SFMBT2: variants seen among roughly 807,000 people sequenced by gnomAD.
SFMBT2 encodes Scm like with four mbt domains 2.
SFMBT2 carries 38 observed loss-of-function variants against 110.1 expected under a neutral mutation model. The observed-to-expected ratio is 0.35, with a 90% confidence interval of 0.27 to 0.45. SFMBT2 has a LOEUF of 0.45. Ranked by LOEUF, SFMBT2 falls within the 20% of genes least tolerant of loss-of-function variation. SFMBT2 has a pLI of 1.00. For synonymous variants in SFMBT2, 425 were observed against 425.4 expected (o/e 1.00, Z 0.01); for missense variants, 1,011 against 1,094.9 (o/e 0.92, Z 1.08).
At chr10:7,203,439 TG>T in intron 12 of SFMBT2, 2 of 239,868 alleles carry the variant, frequency 8.3e-6, no homozygotes, top group Non-Finnish European at 6.7e-6. Context: ...CCTGACCCCC[TG>T]GGAAAGAGCC....
intron 9 of SFMBT2, among the ~76,000 whole-genome samples, chr10:7,236,317 C>A (rs978883531): frequency 6.6e-6 from 1 of 152,000 alleles, no homozygotes; most frequent in Non-Finnish European, 1.5e-5. Flanking sequence ...AATTAATGTA[C>A]AAGAATGGCC....
In SFMBT2 at chr10:7,370,313, C is replaced by T. The variant is rs745677310; in HGVS notation, c.163G>A (p.Ala55Thr). The T allele has an allele frequency of 3.1e-6, 5 of 1,614,040 alleles. No individual in the cohort carries two copies. The Admixed American group carries it at 6.7e-5, about 22-fold the overall frequency. ...NWGEYLEETGASAAPHTSFKH... is the reference protein window; with the variant it reads ...NWGEYLEETGTSAAPHTSFKH... The stretch of plus-strand genomic sequence containing the variant: ...AATGATGTGTGGGGAGCAGCACTTG[C>T]TCCTGTCTCTTCCAAATATTCTCCC... Residue 55 changes from alanine to threonine, a missense_variant, in exon 3 of 21, where the codon GCA becomes ACA. Transcript: ENST00000397167.
intron 9 of SFMBT2, among the ~76,000 whole-genome samples, chr10:7,231,435 T>C (rs1318474650): frequency 6.6e-6 from 1 of 152,188 alleles, no homozygotes; most frequent in African/African-American, 2.4e-5. Flanking sequence ...TTATGGTCCA[T>C]ACATGTTCAG....
At chr10:7,185,659 A>G (rs897408148) in intron 16 of SFMBT2, among the ~76,000 whole-genome samples, 2 of 152,254 alleles carry the variant, frequency 1.3e-5, no homozygotes, top group Non-Finnish European at 2.9e-5. Context: ...CTGAATAACT[A>G]TAACACAGGA....
chr10:7,266,742 A>G (rs971993612), intron 7 of SFMBT2, among the ~76,000 whole-genome samples: 1 of 152,196 alleles, frequency 6.6e-6, no homozygotes, highest in Non-Finnish European at 1.5e-5. Context: ...GGGACAGTCC[A>G]TGGGACAGAG....
rs1009970203 is a variant in SFMBT2 at position 7,249,469 on chromosome 10, T to G, written c.871-820A>C. 9.3e-6 allele frequency: 9 copies of G among 964,368 alleles called. No homozygotes were observed. The South Asian group carries it at 2.9e-4, about 31-fold the overall frequency. The allele number at this position is 964,368 out of a possible 1,614,324, so 59.7% of individuals were successfully genotyped here. ...AACTCACAGTCTGGATAAACAGCAG[T>G]GGATAAATGAATGTATTTGCAGTCT... On this transcript the variant is annotated intron_variant, in intron 7 of 20. Transcript: ENST00000397167.
At chr10:7,354,975 T>G (rs974237059) in intron 4 of SFMBT2, among the ~76,000 whole-genome samples, 1 of 152,266 alleles carries the variant, frequency 6.6e-6, no homozygotes, top group Non-Finnish European at 1.5e-5. Flanking sequence ...TATCTTTATC[T>G]ATTTGGCCTT....
In SFMBT2 at chr10:7,189,495, C is replaced by A. The variant is rs553049179; in HGVS notation, c.1699-762G>T. ...ATGAAAGGGACAAGGACCTCAGACC[C>A]CTAAGGTGCTCACCTTTCAAAAAGC... is the stretch of plus-strand genomic sequence containing the variant. On this transcript the variant is annotated intron_variant, in intron 15 of 20. Coordinates refer to ENST00000397167, the MANE Select transcript of SFMBT2 (RefSeq NM_001387889.1). Among the ~76,000 whole-genome samples, 4 of 152,314 alleles carry A rather than the reference C, an allele frequency of 2.6e-5. No homozygotes were observed. In the South Asian group the frequency reaches 6.2e-4, roughly 24 times the overall value.
At chr10:7,381,684 G>T in intron 2 of SFMBT2, 115 bp downstream of exon 2, 1 of 1,150,342 alleles carries the variant, frequency 8.7e-7, no homozygotes. Flanking sequence ...CAAATCCCAG[G>T]AACCAGACAG....
chr10:7,229,972 ATCCCAAAGTGC>A (rs1001304224), intron 9 of SFMBT2, among the ~76,000 whole-genome samples: 7 of 151,498 alleles, frequency 4.6e-5, no homozygotes, highest in African/African-American at 1.2e-4. Flanking sequence ...CCACCTCAGC[ATCCCAAAGTGC>A]TGGGATTACA....
chr10:7,349,098 C>G (rs1201972527), intron 4 of SFMBT2, among the ~76,000 whole-genome samples: 1 of 152,194 alleles, frequency 6.6e-6, no homozygotes, highest in Non-Finnish European at 1.5e-5. Context: ...GACAAACCTC[C>G]CTATCCATTT....
intron 4 of SFMBT2, among the ~76,000 whole-genome samples, chr10:7,298,128 G>A (rs1368908050): frequency 6.6e-6 from 1 of 152,228 alleles, no homozygotes; most frequent in Non-Finnish European, 1.5e-5. Context: ...TTTTGGATCA[G>A]AAAATAATTG....
Position 7,203,226 on chromosome 10 carries a change from T to C in SFMBT2, c.1445-704A>G, listed in dbSNP as rs1034634479. ...AGTCTGGCAGGTTTGGAGTTGGAGT[T>C]TGCCTCTTTAAAGCAAAATGTATGT... On this transcript the variant is annotated intron_variant, in intron 12 of 20. Transcript: ENST00000397167. 46 of 617,406 alleles carry C rather than the reference T, an allele frequency of 7.5e-5. No homozygotes were observed. The African/African-American group carries it at 8.8e-4, about 12-fold the overall frequency. The allele number at this position is 617,406 out of a possible 1,614,324, so 38.2% of individuals were successfully genotyped here. A position where few individuals can be genotyped will look rare whatever the true frequency, so the allele number is the denominator to read the frequency against.
At chr10:7,194,919 A>G (rs762224281) in intron 15 of SFMBT2, among the ~76,000 whole-genome samples, 3 of 152,246 alleles carry the variant, frequency 2.0e-5, no homozygotes, top group Non-Finnish European at 4.4e-5. Context: ...CCCTCAAGAC[A>G]GGCTGAAGCC....
chr10:7,281,933 C>T (rs1841958693), intron 6 of SFMBT2, among the ~76,000 whole-genome samples: 1 of 152,214 alleles, frequency 6.6e-6, no homozygotes, highest in Non-Finnish European at 1.5e-5. Flanking sequence ...GCAGCCTCCT[C>T]TCCTGTGATC....
chr10:7,276,801 C>T, intron 7 of SFMBT2, 91 bp downstream of exon 7: 1 of 739,716 alleles, frequency 1.4e-6, no homozygotes, highest in South Asian at 1.5e-5. Flanking sequence ...GCTGGGATTA[C>T]AGGCATGAGC....
intron 7 of SFMBT2, among the ~76,000 whole-genome samples, chr10:7,269,234 G>T (rs1841494603): frequency 6.6e-6 from 1 of 152,138 alleles, no homozygotes. Context: ...TATTCACAGT[G>T]ATCTCTTAAA....
At chr10:7,361,409 C>T (rs185363216) in intron 4 of SFMBT2, among the ~76,000 whole-genome samples, 1 of 152,294 alleles carries the variant, frequency 6.6e-6, no homozygotes, top group Admixed American at 6.5e-5. Flanking sequence ...TAGTCACTTT[C>T]CTGTCCCATG....
intron 4 of SFMBT2, among the ~76,000 whole-genome samples, chr10:7,338,129 A>G (rs1352081664): frequency 6.6e-6 from 1 of 152,212 alleles, no homozygotes; most frequent in Non-Finnish European, 1.5e-5. Flanking sequence ...AAGGGGAAAA[A>G]TAACAATAAG....
Sources: gnomAD v4.1 joint callset for allele counts (sites outside exome capture counted in the v4.1 genomes callset) on GRCh38, gnomAD v4.1.1 for gene constraint, MANE v1.5 for transcripts, NCBI Gene and HGNC (gene_info 2026-07-23, HGNC 2026-07-21) for gene names.